KCNB2: variants seen among roughly 807,000 people sequenced by gnomAD.
KCNB2 encodes the protein delayed rectifier potassium channel protein.
KCNB2 carries 15 observed loss-of-function variants against 61.5 expected under a neutral mutation model. The observed-to-expected ratio is 0.24, with a 90% CI of 0.16 to 0.38. KCNB2 has a LOEUF of 0.38. Ranked by LOEUF, KCNB2 falls within the 10% of genes least tolerant of loss-of-function variation. The pLI is 1.00. For synonymous variants in KCNB2, 457 were observed against 446.0 expected (o/e 1.02, Z -0.31); for missense variants, 828 against 1,125.2 (o/e 0.74, Z 3.78).
intron 2 of KCNB2, among the ~76,000 whole-genome samples, chr8:72,888,420 T>A (rs949697570): frequency 5.3e-5 from 8 of 152,230 alleles, no homozygotes; most frequent in Admixed American, 4.6e-4. Context: ...CACAGTCAGT[T>A]AATTTTCTAA....
chr8:72,598,371 G>A (rs1382834325), intron 2 of KCNB2, among the ~76,000 whole-genome samples: 3 of 152,204 alleles, frequency 2.0e-5, no homozygotes, highest in Non-Finnish European at 4.4e-5. Flanking sequence ...CTCAATAGAT[G>A]CAGAAAAGGC....
intron 1 of KCNB2, among the ~76,000 whole-genome samples, chr8:72,557,379 C>A (rs965521937): frequency 2.1e-5 from 3 of 141,750 alleles, no homozygotes; most frequent in Non-Finnish European, 4.6e-5. Context: ...AATGGACTCA[C>A]TAACTTTGAT....
chr8:72,898,305 G>T (rs918504195), intron 2 of KCNB2, among the ~76,000 whole-genome samples: 14 of 152,094 alleles, frequency 9.2e-5, no homozygotes, highest in Middle Eastern at 3.4e-3. Context: ...GGTAGGGGAA[G>T]GGGGGAGGGA....
intron 2 of KCNB2, among the ~76,000 whole-genome samples, chr8:72,885,139 T>TTATTTAAAA (rs1805781279): frequency 6.6e-6 from 1 of 152,130 alleles, no homozygotes; most frequent in African/African-American, 2.4e-5. Context: ...TTATAGTATA[T>TTATTTAAAA]TCATTAATAG....
chr8:72,871,233 C>G (rs987526033), intron 2 of KCNB2, among the ~76,000 whole-genome samples: 9 of 152,062 alleles, frequency 5.9e-5, no homozygotes, highest in Non-Finnish European at 1.2e-4. Flanking sequence ...GGAATTATTA[C>G]CAAAGAAATT....
intron 2 of KCNB2, among the ~76,000 whole-genome samples, chr8:72,934,265 G>A (rs1389522554): frequency 6.6e-6 from 1 of 151,950 alleles, no homozygotes; most frequent in East Asian, 1.9e-4. Context: ...CTACTCAGGT[G>A]GCTGAGGTCA....
chr8:72,581,430 T>A (rs1276881883), intron 2 of KCNB2, among the ~76,000 whole-genome samples: 1 of 152,196 alleles, frequency 6.6e-6, no homozygotes, highest in Non-Finnish European at 1.5e-5. Context: ...CTGTTTCTTA[T>A]CTTCAATTAC....
intron 2 of KCNB2, among the ~76,000 whole-genome samples, chr8:72,832,683 C>T (rs1809718777): frequency 6.6e-6 from 1 of 152,136 alleles, no homozygotes; most frequent in South Asian, 2.1e-4. Context: ...GAAGACGGAG[C>T]CCCTGAGTCA....
At chr8:72,783,458 T>A (rs1466540371) in intron 2 of KCNB2, among the ~76,000 whole-genome samples, 1 of 152,132 alleles carries the variant, frequency 6.6e-6, no homozygotes, top group African/African-American at 2.4e-5. Flanking sequence ...GTTTCTCTTA[T>A]CTCAAAGCCT....
chr8:72,588,151 G>T (rs142783741), intron 2 of KCNB2, among the ~76,000 whole-genome samples: 1 of 150,322 alleles, frequency 6.7e-6, no homozygotes, highest in East Asian at 1.9e-4. Context: ...ACATTTTAGA[G>T]TTTTTGATTT....
At chr8:72,835,807 A>G (rs991391605) in intron 2 of KCNB2, among the ~76,000 whole-genome samples, 11 of 151,882 alleles carry the variant, frequency 7.2e-5, no homozygotes, top group African/African-American at 2.7e-4. Flanking sequence ...ATTCATTCAC[A>G]CTCCCATTCT....
chr8:72,575,936 G>T (rs962786178), intron 2 of KCNB2, among the ~76,000 whole-genome samples: 3 of 152,014 alleles, frequency 2.0e-5, no homozygotes, highest in African/African-American at 2.4e-5. Flanking sequence ...TGCCTTTCTG[G>T]CCCTACCTGA....
intron 2 of KCNB2, among the ~76,000 whole-genome samples, chr8:72,699,286 C>T (rs994508910): frequency 7.4e-6 from 1 of 135,972 alleles, no homozygotes; most frequent in Non-Finnish European, 1.5e-5. Context: ...AATTGACATT[C>T]CGGCTGGTAT....
intron 2 of KCNB2, among the ~76,000 whole-genome samples, chr8:72,928,191 C>G (rs201771072): frequency 7.4e-6 from 1 of 134,908 alleles, no homozygotes; most frequent in Admixed American, 7.3e-5. Flanking sequence ...CACTTTCTTT[C>G]TTTTTTTTTT....
chr8:72,640,393 TC>T (rs1806035618), intron 2 of KCNB2, among the ~76,000 whole-genome samples: 1 of 152,058 alleles, frequency 6.6e-6, no homozygotes, highest in African/African-American at 2.4e-5. Flanking sequence ...TATTTTTTTT[TC>T]TTTATTATGG....
chr8:72,937,496 C>T lies in KCNB2; in HGVS notation c.2141C>T (p.Ser714Phe), dbSNP rs534911339. 1.6e-5 allele frequency: 26 copies of T among 1,613,962 alleles called. No homozygotes were observed. In the South Asian group the frequency reaches 2.9e-4, roughly 18 times the overall value. ...LKGSNPLKSR[S>F]LKVNFKENRG... is the part of the protein sequence containing the mutation. ...GGCAGCAACCCACTAAAGTCCAGAT[C>T]CCTCAAAGTGAACTTTAAGGAAAAT... Residue 714 changes from serine to phenylalanine, a missense_variant, in exon 3 of 3, where the codon TCC becomes TTC. Around this residue, in one of 4 missense-constraint regions of KCNB2, gnomAD observed 559 missense variants for 588.4 expected, o/e 0.95. Coordinates refer to ENST00000523207, the MANE Select transcript of KCNB2 (RefSeq NM_004770.3).
intron 1 of KCNB2, among the ~76,000 whole-genome samples, chr8:72,551,041 T>A (rs1806337882): frequency 6.6e-6 from 1 of 152,086 alleles, no homozygotes; most frequent in Non-Finnish European, 1.5e-5. Flanking sequence ...ATCTCCATTC[T>A]CAGGAAGACA....
At chr8:72,595,019 G>T (rs1329576944) in intron 2 of KCNB2, among the ~76,000 whole-genome samples, 1 of 152,156 alleles carries the variant, frequency 6.6e-6, no homozygotes, top group Non-Finnish European at 1.5e-5. Context: ...TAAGAGGATT[G>T]TTCTTCATAG....
At chr8:72,766,554 C>A (rs1458729260) in intron 2 of KCNB2, among the ~76,000 whole-genome samples, 1 of 152,128 alleles carries the variant, frequency 6.6e-6, no homozygotes, top group Non-Finnish European at 1.5e-5. Context: ...AACAGTTTCA[C>A]CAGGGAACAC....
Sources: allele counts gnomAD v4.1 joint callset (sites outside exome capture counted in the v4.1 genomes callset), GRCh38; gene constraint gnomAD v4.1.1; regional missense constraint gnomAD v4.1.1; transcripts MANE v1.5; gene names NCBI Gene and HGNC (gene_info 2026-07-23, HGNC 2026-07-21).